TENM3: variants seen among roughly 807,000 people sequenced by gnomAD.
TENM3 encodes the protein teneurin-3.
TENM3 carries 63 observed loss-of-function variants against 255.1 expected under a neutral mutation model. That is an observed-to-expected ratio of 0.25 (90% CI 0.20 to 0.30). TENM3 has a LOEUF of 0.30. Among genes scored for constraint, TENM3 ranks in the 10% least tolerant of loss-of-function variants. The probability of loss-of-function intolerance (pLI) is 1.00; values close to 1 mark genes in which losing one functional copy is unlikely to be tolerated. For synonymous variants in TENM3, 1,306 were observed against 1,322.3 expected (o/e 0.99, Z 0.27); for missense variants, 2,929 against 3,461.1 (o/e 0.85, Z 3.86).
the TENM3 span, among the ~76,000 whole-genome samples, chr4:181,790,861 G>C: frequency 6.6e-6 from 1 of 152,150 alleles, no homozygotes; most frequent in Non-Finnish European, 1.5e-5. Flanking sequence ...ATATTTAGAG[G>C]CAAGTTACCT....
the TENM3 span, among the ~76,000 whole-genome samples, chr4:182,104,980 G>C: frequency 6.6e-6 from 1 of 152,178 alleles, no homozygotes; most frequent in East Asian, 1.9e-4. Context: ...GGAAGGTGGA[G>C]ACAGGAGAAT....
the TENM3 span, among the ~76,000 whole-genome samples, chr4:181,961,024 G>T: frequency 1.3e-5 from 2 of 152,110 alleles, no homozygotes; most frequent in Admixed American, 1.3e-4. Flanking sequence ...GGTGCAAAGG[G>T]CCTGCTCAGA....
chr4:181,480,611 T>C, the TENM3 span, among the ~76,000 whole-genome samples: 1 of 151,836 alleles, frequency 6.6e-6, no homozygotes, highest in African/African-American at 2.4e-5. Flanking sequence ...CATGAAGAAG[T>C]CCCCACTTTT....
chr4:182,791,615 G>C (rs1397498204), intron 25 of TENM3, among the ~76,000 whole-genome samples: 2 of 152,198 alleles, frequency 1.3e-5, no homozygotes, highest in Non-Finnish European at 2.9e-5. Flanking sequence ...TTTATTGTCA[G>C]TACGGATGCC....
chr4:181,653,807 T>A, the TENM3 span, among the ~76,000 whole-genome samples: 1 of 151,200 alleles, frequency 6.6e-6, no homozygotes, highest in African/African-American at 2.4e-5. Flanking sequence ...TCCCCCATAA[T>A]CTAGGTTTTA....
At chr4:181,501,668 A>T in the TENM3 span, among the ~76,000 whole-genome samples, 1 of 151,974 alleles carries the variant, frequency 6.6e-6, no homozygotes, top group Non-Finnish European at 1.5e-5. Flanking sequence ...GTGAGCCAAC[A>T]CGCCCAGCCA....
Position 182,195,254 on chromosome 4 carries a change from C to T in TENM3, c.-76+50500C>T, listed in dbSNP as rs373628484. The stretch of plus-strand genomic sequence containing the variant: ...CCCCAAAACGTGCCTGTTATCCACA[C>T]GACCCTGTATGTCTAGGGCAGGCCT... On this transcript the variant is annotated intron_variant, in intron 1 of 2. Coordinates refer to the TENM3 transcript ENST00000512480. Among the ~76,000 whole-genome samples the T allele has an allele frequency of 1.3e-4, 20 of 152,124 alleles. No individual in the cohort carries two copies. The East Asian group carries it at 2.3e-3, about 18-fold the overall frequency.
chr4:182,171,523 G>A (rs1274670589), intron 1 of TENM3, among the ~76,000 whole-genome samples: 4 of 152,104 alleles, frequency 2.6e-5, no homozygotes, highest in Non-Finnish European at 5.9e-5. Context: ...GAATGCAGTG[G>A]CACAATCATA....
At chr4:182,621,841 G>A (rs1301927070) in intron 4 of TENM3, among the ~76,000 whole-genome samples, 2 of 129,844 alleles carry the variant, frequency 1.5e-5, no homozygotes, top group South Asian at 4.5e-4. Context: ...AGATGTGGTG[G>A]TGCACATGCT....
At chr4:181,646,653 G>A in the TENM3 span, among the ~76,000 whole-genome samples, 1 of 152,124 alleles carries the variant, frequency 6.6e-6, no homozygotes, top group Admixed American at 6.6e-5. Flanking sequence ...TTAAATTGAG[G>A]CTCCCAAATG....
chr4:182,590,863 AC>A (rs1240704732), intron 3 of TENM3, among the ~76,000 whole-genome samples: 25 of 151,710 alleles, frequency 1.6e-4, no homozygotes, highest in African/African-American at 5.3e-4. Flanking sequence ...AAAAAAAAAA[AC>A]AAAAAACCAG....
At chr4:181,701,081 C>G in the TENM3 span, among the ~76,000 whole-genome samples, 1 of 152,196 alleles carries the variant, frequency 6.6e-6, no homozygotes, top group South Asian at 2.1e-4. Context: ...GAGGCAGCAT[C>G]GTTAAGTCAT....
At chr4:182,309,659 G>A (rs1762328111) in intron 1 of TENM3, among the ~76,000 whole-genome samples, 3 of 152,152 alleles carry the variant, frequency 2.0e-5, no homozygotes, top group Admixed American at 6.5e-5. Context: ...CTCTGAATAA[G>A]CTCATAAAAA....
At chr4:182,761,212 A>G (rs1763162928) in intron 22 of TENM3, among the ~76,000 whole-genome samples, 1 of 152,138 alleles carries the variant, frequency 6.6e-6, no homozygotes, top group Admixed American at 6.5e-5. Flanking sequence ...TGAGGTCAGG[A>G]GTTCAAGACC....
At chr4:181,764,372 T>G in the TENM3 span, among the ~76,000 whole-genome samples, 1 of 152,190 alleles carries the variant, frequency 6.6e-6, no homozygotes, top group Non-Finnish European at 1.5e-5. Flanking sequence ...AGTCTGACTT[T>G]ATGACACAGA....
At chr4:181,475,333 T>C in the TENM3 span, among the ~76,000 whole-genome samples, 1 of 152,216 alleles carries the variant, frequency 6.6e-6, no homozygotes, top group Non-Finnish European at 1.5e-5. Context: ...GAAAATACTA[T>C]GAAGAAAGAA....
intron 3 of TENM3, among the ~76,000 whole-genome samples, chr4:182,369,861 G>C (rs557091992): frequency 2.4e-4 from 36 of 152,250 alleles, no homozygotes; most frequent in African/African-American, 8.7e-4. Flanking sequence ...CCACGTGACA[G>C]AGTGAAACTC....
the TENM3 span, among the ~76,000 whole-genome samples, chr4:181,592,151 A>G: frequency 6.6e-6 from 1 of 151,974 alleles, no homozygotes; most frequent in Non-Finnish European, 1.5e-5. Flanking sequence ...GACTGTGGTC[A>G]TGGTTGCGTG....
chr4:181,453,247 T>C, the TENM3 span, among the ~76,000 whole-genome samples: 1 of 152,130 alleles, frequency 6.6e-6, no homozygotes, highest in African/African-American at 2.4e-5. Flanking sequence ...AGGAAGTGTC[T>C]GGTGTAAAGG....
Sources: gnomAD v4.1 joint callset for allele counts (sites outside exome capture counted in the v4.1 genomes callset) on GRCh38, gnomAD v4.1.1 for gene constraint, MANE v1.5 for transcripts, NCBI Gene and HGNC (gene_info 2026-07-23, HGNC 2026-07-21) for gene names.